Variants in NRG1 observed in about 807,000 individuals in gnomAD.
The protein encoded by NRG1 is pro-neuregulin-1, membrane-bound isoform.
In NRG1, 18 loss-of-function variants were observed where a neutral mutation model predicts 63.8. The ratio of observed to expected loss-of-function variants is 0.28; its 90% CI spans 0.19 to 0.42. NRG1 has a LOEUF of 0.42. NRG1 is among the 10% of genes least tolerant of loss of function. NRG1 has a pLI of 1.00. For missense variants in NRG1, 762 were observed against 814.7 expected, an observed-to-expected ratio of 0.94 and a Z score of 0.79; for synonymous variants, 302 against 301.3, an observed-to-expected ratio of 1.00 and a Z score of -0.02.
At chr8:31,855,093 T>A (rs1382583594) in intron 1 of NRG1, among the ~76,000 whole-genome samples, 2 of 152,048 alleles carry the variant, frequency 1.3e-5, no homozygotes, top group African/African-American at 2.4e-5. Context: ...ATTCTGTTGA[T>A]TTGGGGTGGA....
Position 32,687,774 on chromosome 8 carries a change from A to G in NRG1, c.503-40175A>G, listed in dbSNP as rs192962101. ...AACCTGCAGCTCAGAGATATGTAAGAGTACAAGTAAAGCTCTTTATCCACG... is the reference window on the plus strand; with the variant it reads ...AACCTGCAGCTCAGAGATATGTAAGGGTACAAGTAAAGCTCTTTATCCACG... On this transcript the variant is annotated intron_variant, in intron 5 of 11. Coordinates refer to ENST00000356819, the Ensembl canonical transcript of NRG1. 3.2e-3 allele frequency among the ~76,000 whole-genome samples: 495 copies of G among 152,348 alleles called. 5 individuals carry two copies. Among genetic ancestry groups the G allele is most frequent in the African/African-American group, 0.011 (464 of 41,570 alleles).
intron 1 of NRG1, among the ~76,000 whole-genome samples, chr8:31,652,142 C>A (rs552898073): frequency 1.6e-4 from 24 of 152,262 alleles, no homozygotes; most frequent in African/African-American, 5.3e-4. Context: ...TCAGTTAACC[C>A]CTCACCATAT....
intron 1 of NRG1, among the ~76,000 whole-genome samples, chr8:32,447,018 T>TATTTATTTATTTATTTATTC: frequency 6.6e-6 from 1 of 151,260 alleles, no homozygotes; most frequent in Non-Finnish European, 1.5e-5. Flanking sequence ...TTTATTTATT[T>TATTTATTTATTTATTTATTC]ATTTATTTAT....
intron 1 of NRG1, among the ~76,000 whole-genome samples, chr8:32,530,500 ATAAAT>A (rs1194551124): frequency 2.6e-5 from 4 of 152,174 alleles, no homozygotes; most frequent in Admixed American, 6.5e-5. Context: ...ACTTCCAATA[ATAAAT>A]TAAGTTGTTT....
chr8:32,075,330 G>C (rs1826336130), intron 1 of NRG1, among the ~76,000 whole-genome samples: 1 of 152,050 alleles, frequency 6.6e-6, no homozygotes, highest in Non-Finnish European at 1.5e-5. Flanking sequence ...ATGCCAGTCA[G>C]GAAAAGGGGT....
At position 31,818,041 on chromosome 8, in the gene NRG1, G is replaced by T. The variant is rs555676772; in HGVS notation, c.37+178610G>T. Among the ~76,000 whole-genome samples, 19 of 152,218 alleles carry T rather than the reference G, an allele frequency of 1.2e-4. No homozygotes were observed. The South Asian group carries it at 3.7e-3, about 30-fold the overall frequency. ...TGGAGCAACTAATGATTTTGCTGTTGCTACTTTTGTGCCAGCAAATACGTA... is the reference window on the plus strand; with the variant it reads ...TGGAGCAACTAATGATTTTGCTGTTTCTACTTTTGTGCCAGCAAATACGTA... On this transcript the variant is annotated intron_variant, in intron 1 of 10. Coordinates refer to the NRG1 transcript ENST00000519301.
At position 32,032,556 on chromosome 8, in the gene NRG1, T is replaced by G. The variant is rs143451808; in HGVS notation, c.37+393125T>G. Reference sequence around the variant, plus strand: ...GCTGGGGTTACAGGCATGAGCTGCCTCACTCAGCCATGAATATCTTCTTTT... The same window carrying G: ...GCTGGGGTTACAGGCATGAGCTGCCGCACTCAGCCATGAATATCTTCTTTT... On this transcript the variant is annotated intron_variant, in intron 1 of 10. Transcript: ENST00000519301. Among the ~76,000 whole-genome samples the G allele has an allele frequency of 9.9e-3, 1,509 of 152,286 alleles. 21 individuals carry two copies. Among genetic ancestry groups the G allele is most frequent in the African/African-American group, 0.035 (1,454 of 41,572 alleles).
At chr8:32,284,890 C>T (rs1350274917) in intron 1 of NRG1, among the ~76,000 whole-genome samples, 1 of 152,180 alleles carries the variant, frequency 6.6e-6, no homozygotes, top group African/African-American at 2.4e-5. Context: ...ATATGCTGAG[C>T]TTCCCGTCAC....
chr8:32,195,083 C>G (rs1842836664), intron 1 of NRG1, among the ~76,000 whole-genome samples: 1 of 152,030 alleles, frequency 6.6e-6, no homozygotes. Flanking sequence ...ACACTTCAGA[C>G]TTGGGGAGGT....
intron 5 of NRG1, among the ~76,000 whole-genome samples, chr8:32,697,903 TA>T (rs1239177474): frequency 1.3e-5 from 2 of 152,090 alleles, no homozygotes; most frequent in Non-Finnish European, 2.9e-5. Context: ...GACAAGCTGT[TA>T]GACATCAATA....
At chr8:32,680,006 G>A (rs1227275237) in intron 5 of NRG1, among the ~76,000 whole-genome samples, 1 of 152,152 alleles carries the variant, frequency 6.6e-6, no homozygotes, top group Non-Finnish European at 1.5e-5. Context: ...ATGTCATTTT[G>A]TAAATTAACC....
chr8:32,756,500 C>T (rs75779200), exon 9 of NRG1: 1 of 1,613,086 alleles, frequency 6.2e-7, no homozygotes, highest in Non-Finnish European at 8.5e-7. Context: ...CCATCCTAAC[C>T]CACCCCCCGA....
chr8:32,737,205 G>T (rs112746855), intron 6 of NRG1, among the ~76,000 whole-genome samples: 1,546 of 152,204 alleles, frequency 0.01, 25 homozygotes, highest in African/African-American at 0.035. Context: ...GATGTTAAAG[G>T]ATTTTATTGG....
At chr8:32,050,048 C>A (rs1257020193) in intron 1 of NRG1, among the ~76,000 whole-genome samples, 1 of 152,062 alleles carries the variant, frequency 6.6e-6, no homozygotes, top group South Asian at 2.1e-4. Context: ...TATGAAGAGC[C>A]TCCTTATCCT....
exon 1 of NRG1, chr8:32,548,596 C>T: frequency 1.5e-6 from 2 of 1,346,370 alleles, no homozygotes. Context: ...CCCCGCGCAG[C>T]GCGAGCGCCT....
chr8:31,825,662 C>A (rs1179367233), intron 1 of NRG1, among the ~76,000 whole-genome samples: 1 of 151,930 alleles, frequency 6.6e-6, no homozygotes, highest in Admixed American at 6.6e-5. Flanking sequence ...AGGAAAGAGA[C>A]AGGAAAAGAG....
chr8:31,812,098 T>A (rs544560239), intron 1 of NRG1, among the ~76,000 whole-genome samples: 1 of 152,174 alleles, frequency 6.6e-6, no homozygotes, highest in Admixed American at 6.5e-5. Context: ...CTATAATGGA[T>A]TATAGGATAT....
intron 1 of NRG1, among the ~76,000 whole-genome samples, chr8:32,106,138 C>T (rs573888487): frequency 6.6e-6 from 1 of 152,314 alleles, no homozygotes; most frequent in South Asian, 2.1e-4. Context: ...CATATTTGGT[C>T]TGTAAACACC....
intron 1 of NRG1, among the ~76,000 whole-genome samples, chr8:32,416,750 C>T (rs1179228422): frequency 4.6e-5 from 7 of 152,072 alleles, no homozygotes; most frequent in African/African-American, 9.7e-5. Context: ...TTCAGTGGCA[C>T]AATCTCAGCT....
Sources: gnomAD v4.1 joint callset for allele counts (sites outside exome capture counted in the v4.1 genomes callset) on GRCh38, gnomAD v4.1.1 for gene constraint, MANE v1.5 for transcripts, NCBI Gene and HGNC (gene_info 2026-07-23, HGNC 2026-07-21) for gene names.